NOMO2: variants seen among roughly 807,000 people sequenced by gnomAD.
NOMO2 encodes the protein BOS complex subunit NOMO2.
Under a neutral mutation model 67.1 loss-of-function variants are expected in NOMO2, and 14 were observed. The ratio of observed to expected loss-of-function variants is 0.21; its 90% CI spans 0.14 to 0.33. The LOEUF (loss-of-function observed/expected upper bound fraction) is 0.33, where lower values mean the gene tolerates loss of function less well. Among genes scored for constraint, NOMO2 ranks in the 10% least tolerant of loss-of-function variants. The pLI, the probability that NOMO2 is intolerant of heterozygous loss-of-function variation, is 1.00. For synonymous variants in NOMO2, 80 were observed against 305.9 expected, an observed-to-expected ratio of 0.26 and a Z score of 7.71; for missense variants, 178 against 761.0, an observed-to-expected ratio of 0.23 and a Z score of 9.01.
At chr16:18,536,991 C>T (rs1377402764) in intron 11 of NOMO2, among the ~76,000 whole-genome samples, 1 of 151,976 alleles carries the variant, frequency 6.6e-6, no homozygotes, top group Admixed American at 6.6e-5. Flanking sequence ...CCTCCTACCC[C>T]AAACTTACTT....
At chr16:18,560,751 C>T (rs889446793) in intron 1 of NOMO2, among the ~76,000 whole-genome samples, 3 of 151,820 alleles carry the variant, frequency 2.0e-5, no homozygotes, top group Non-Finnish European at 4.4e-5. Context: ...AGAGCAAGGG[C>T]AGGTCGCAGA....
chr16:18,558,128 T>C (rs923915417), intron 1 of NOMO2, among the ~76,000 whole-genome samples: 60 of 147,852 alleles, frequency 4.1e-4, no homozygotes, highest in Admixed American at 9.8e-4. Context: ...AAGGTGCTTA[T>C]TAACATGCAA....
At chr16:18,533,789 C>T (rs1332953025) in intron 11 of NOMO2, 1 of 152,780 alleles carries the variant, frequency 6.5e-6, no homozygotes, top group African/African-American at 2.4e-5. Context: ...AACTGAAAAG[C>T]CCTATTAAGG....
chr16:18,555,847 G>A (rs1418655501), intron 2 of NOMO2, among the ~76,000 whole-genome samples: 1 of 84,104 alleles, frequency 1.2e-5, no homozygotes. Context: ...GAGCTCAGGC[G>A]ATCCACCTGC....
intron 3 of NOMO2, among the ~76,000 whole-genome samples, chr16:18,552,086 G>A (rs1284293165): frequency 6.7e-6 from 1 of 150,264 alleles, no homozygotes; most frequent in African/African-American, 2.4e-5. Context: ...AAGGACATGA[G>A]CTCAGCCATG....
chr16:18,535,324 A>C (rs1233646238), intron 11 of NOMO2, among the ~76,000 whole-genome samples: 1 of 151,994 alleles, frequency 6.6e-6, no homozygotes, highest in Non-Finnish European at 1.5e-5. Context: ...CTCAAAAAAA[A>C]ATAAAAAGGA....
intron 3 of NOMO2, among the ~76,000 whole-genome samples, chr16:18,554,535 C>A (rs1334306900): frequency 2.7e-5 from 4 of 150,626 alleles, no homozygotes; most frequent in African/African-American, 7.3e-5. Context: ...TCCACGGCCA[C>A]GTAATGAGTG....
At chr16:18,556,601 AT>A (rs1452232641) in intron 2 of NOMO2, among the ~76,000 whole-genome samples, 1 of 151,932 alleles carries the variant, frequency 6.6e-6, no homozygotes, top group African/African-American at 2.4e-5. Flanking sequence ...GTATTAAAAA[AT>A]ATATCAAAAT....
At chr16:18,531,390 A>G in intron 13 of NOMO2, 76 bp downstream of exon 13, 1 of 1,612,130 alleles carries the variant, frequency 6.2e-7, no homozygotes, top group Non-Finnish European at 8.5e-7. Flanking sequence ...AGGCAAAAGG[A>G]AAAGTTTCCC....
chr16:18,553,458 A>C (rs1901835520), intron 3 of NOMO2, among the ~76,000 whole-genome samples: 1 of 151,314 alleles, frequency 6.6e-6, no homozygotes, highest in South Asian at 2.1e-4. Context: ...ATAAAGTTCA[A>C]AACAGACCAA....
At chr16:18,537,030 AG>A (rs1901439881) in intron 11 of NOMO2, among the ~76,000 whole-genome samples, 1 of 151,890 alleles carries the variant, frequency 6.6e-6, no homozygotes, top group South Asian at 2.1e-4. Flanking sequence ...CACGCTCCCT[AG>A]GTCCCCCCTG....
chr16:18,551,139 A>C (rs1338061333), intron 4 of NOMO2, among the ~76,000 whole-genome samples: 1 of 151,924 alleles, frequency 6.6e-6, no homozygotes, highest in Non-Finnish European at 1.5e-5. Context: ...GCACCACTGC[A>C]CTCCAGCCTG....
Position 18,538,510 on chromosome 16 carries a change from C to T in NOMO2, c.1220+16G>A. ...GCATATTTACTGGTGCTTCCAAATCCACACGATAAGCTTACCCTGTTGCAA... is the reference window on the plus strand; with the variant it reads ...GCATATTTACTGGTGCTTCCAAATCTACACGATAAGCTTACCCTGTTGCAA... On this transcript the variant is annotated intron_variant, in intron 11 of 30. Coordinates refer to ENST00000622306, the MANE Select transcript of NOMO2 (RefSeq NM_173614.4). 6.2e-7 allele frequency: 1 copy of T among 1,613,392 alleles called. No individual in the cohort carries two copies. The highest frequency in any genetic ancestry group is 8.5e-7 in the Non-Finnish European group (1 of 1,179,714).
At chr16:18,531,207 A>C (rs1219017828) in intron 13 of NOMO2, 39 bp from the exon 14 acceptor site, 1 of 662,998 alleles carries the variant, frequency 1.5e-6, no homozygotes, top group African/African-American at 1.8e-5. Flanking sequence ...GTGACCCCTT[A>C]TAAGGCTTCA....
At chr16:18,552,863 T>C (rs1567246224) in intron 3 of NOMO2, among the ~76,000 whole-genome samples, 1 of 152,030 alleles carries the variant, frequency 6.6e-6, no homozygotes, top group East Asian at 1.9e-4. Context: ...GACACATGTA[T>C]CAAAATATAC....
intron 2 of NOMO2, among the ~76,000 whole-genome samples, chr16:18,555,898 C>G (rs1431167492): frequency 4.8e-5 from 4 of 82,692 alleles, no homozygotes; most frequent in Admixed American, 1.5e-4. Flanking sequence ...CATGAGCTAC[C>G]ACGTCCAGCC....
At chr16:18,535,522 C>A (rs1236084534) in intron 11 of NOMO2, among the ~76,000 whole-genome samples, 2 of 152,152 alleles carry the variant, frequency 1.3e-5, no homozygotes, top group Non-Finnish European at 2.9e-5. Flanking sequence ...TCCATCTACC[C>A]AGTGGCTCAA....
At chr16:18,539,337 C>T (rs1483640287) in intron 9 of NOMO2, among the ~76,000 whole-genome samples, 1 of 151,836 alleles carries the variant, frequency 6.6e-6, no homozygotes, top group Admixed American at 6.6e-5. Flanking sequence ...CCCATGCACA[C>T]CCCGGCATCA....
At position 18,529,787 on chromosome 16, in the gene NOMO2, T is replaced by G. The variant is rs1204071001; in HGVS notation, c.1670-150A>C. On this transcript the variant is annotated intron_variant, in intron 14 of 30. Transcript: ENST00000622306. ...ATAGAAATATACACATACATATATT[T>G]ATAACTAGCAGTATTTGGAATAAAT... The G allele has an allele frequency of 1.3e-5, 8 of 609,972 alleles. No homozygotes were observed. In the Admixed American group the frequency reaches 2.1e-4, roughly 16 times the overall value. 37.8% of individuals were successfully genotyped at this position (609,972 alleles called of 1,614,324 possible). A position where few individuals can be genotyped will look rare whatever the true frequency, so the allele number is the denominator to read the frequency against.
Sources: gnomAD v4.1 joint callset for allele counts (sites outside exome capture counted in the v4.1 genomes callset) on GRCh38, gnomAD v4.1.1 for gene constraint, MANE v1.5 for transcripts, NCBI Gene and HGNC (gene_info 2026-07-23, HGNC 2026-07-21) for gene names.